The following GRM4 variants were observed in gnomAD, a reference collection of about 807,000 sequenced individuals.
GRM4 encodes metabotropic glutamate receptor 4.
Under a neutral mutation model 81.7 loss-of-function variants are expected in GRM4, and 28 were observed. That is an observed-to-expected ratio of 0.34 (90% CI 0.25 to 0.47). GRM4 has a LOEUF of 0.47. GRM4 is among the 20% of genes least tolerant of loss of function. The pLI, the probability that GRM4 is intolerant of heterozygous loss-of-function variation, is 1.00. For synonymous variants in GRM4, 488 were observed against 528.8 expected (o/e 0.92, Z 1.06); for missense variants, 948 against 1,290.0 (o/e 0.73, Z 4.06).
At chr6:34,023,658 G>A (rs1434874089) in intron 10 of GRM4, among the ~76,000 whole-genome samples, 1 of 152,130 alleles carries the variant, frequency 6.6e-6, no homozygotes, top group Non-Finnish European at 1.5e-5. Context: ...GGACTGGGGT[G>A]GTACATGGGG....
rs1373578058 is a variant in GRM4, at chr6:34,042,738, C to T, written c.1169-1990G>A. Among the ~76,000 whole-genome samples, 1 of 152,146 alleles carries T rather than the reference C, an allele frequency of 6.6e-6. No individual in the cohort carries two copies. The highest frequency in any genetic ancestry group is 1.5e-5 in the Non-Finnish European group (1 of 67,996). The stretch of plus-strand genomic sequence containing the variant: ...TGAGGCAGTGATTCCCCGGGGACTC[C>T]AGAGGTCACTGTGTCCAGCCCCCTG... On this transcript the variant is annotated intron_variant, in intron 6 of 10. Transcript: ENST00000538487. This position sits in a 1 kb window ranked among gnomAD's most constrained non-coding sequence, Gnocchi z 4.2.
Position 34,111,158 on chromosome 6 carries a change from A to T in GRM4, c.520-19059T>A, listed in dbSNP as rs1769367152. ...ACACACACACACACACACACACGCC[A>T]GGATCCAACCCTTCCAGGAGCTGGT... On this transcript the variant is annotated intron_variant, in intron 2 of 10. Coordinates refer to ENST00000538487, the MANE Select transcript of GRM4 (RefSeq NM_000841.4). This position sits in a 1 kb window ranked among gnomAD's most constrained non-coding sequence, Gnocchi z 5.1. 7.6e-6 allele frequency: 1 copy of T among 131,048 alleles called. No homozygotes were observed. Among genetic ancestry groups the T allele is most frequent in the Non-Finnish European group, 1.5e-5 (1 of 65,654 alleles). The allele number at this position is 131,048 out of a possible 1,614,324, so 8.1% of individuals were successfully genotyped here. A position where few individuals can be genotyped will look rare whatever the true frequency, so the allele number is the denominator to read the frequency against.
At chr6:34,124,727 T>A (rs1184148792) in intron 2 of GRM4, among the ~76,000 whole-genome samples, 2 of 152,194 alleles carry the variant, frequency 1.3e-5, no homozygotes, top group Non-Finnish European at 2.9e-5. Flanking sequence ...GGCATGGAGA[T>A]GGCCAGTAGG....
rs1765395144 is a variant in GRM4, at chr6:34,047,058, T to C, written c.1169-6310A>G. Among the ~76,000 whole-genome samples the C allele has an allele frequency of 6.6e-6, 1 of 151,992 alleles. No individual in the cohort carries two copies. Among genetic ancestry groups the C allele is most frequent in the Non-Finnish European group, 1.5e-5 (1 of 67,978 alleles). The stretch of plus-strand genomic sequence containing the variant: ...ACACTCTAGGCCAAGTATGGGAGTG[T>C]TCTAGTGCCTCAGTCTCCCAAGTGT... On this transcript the variant is annotated intron_variant, in intron 6 of 10. Transcript: ENST00000538487. This position sits in a 1 kb window ranked among gnomAD's most constrained non-coding sequence, Gnocchi z 4.5.
chr6:34,119,820 C>T (rs1027022962), intron 2 of GRM4, among the ~76,000 whole-genome samples: 1 of 152,228 alleles, frequency 6.6e-6, no homozygotes, highest in Non-Finnish European at 1.5e-5. Context: ...CCAGCAGGTG[C>T]TGCAGCTTTG....
intron 1 of GRM4, among the ~76,000 whole-genome samples, chr6:34,142,320 C>A (rs556107472): frequency 6.6e-6 from 1 of 152,292 alleles, no homozygotes; most frequent in South Asian, 2.1e-4. Context: ...AGCCAACAGC[C>A]GGCAGGCCCA....
intron 3 of GRM4, among the ~76,000 whole-genome samples, chr6:34,063,969 G>A (rs2127463559): frequency 6.6e-6 from 1 of 152,326 alleles, no homozygotes; most frequent in East Asian, 1.9e-4. Flanking sequence ...GGGAGAAACT[G>A]TTAGGTTAAG....
In GRM4 at chr6:34,133,492, G is replaced by C. The variant is rs867089695; in HGVS notation, c.5C>G (p.Pro2Arg). 4.5e-6 allele frequency: 7 copies of C among 1,559,384 alleles called. No individual in the cohort carries two copies. In the African/African-American group the frequency reaches 9.5e-5, roughly 21 times the overall value. Residue 2 changes from proline (P) to arginine (R), a missense_variant, in exon 2 of 11, where the codon CCT (proline) becomes CGT (arginine). By Grantham distance (103) the Pro-to-Arg change is moderately radical. Coordinates refer to ENST00000538487, the MANE Select transcript of GRM4 (RefSeq NM_000841.4). This position sits in a 1 kb window ranked among gnomAD's most constrained non-coding sequence, Gnocchi z 6.5. M[P>R]GKRGLGWWWA... The stretch of plus-strand genomic sequence containing the variant: ...CCACCAGCCCAAGCCTCTCTTCCCA[G>C]GCATCTCGGAAATCCCTAGAGACCC...
At chr6:34,147,559 C>T (rs1035567512), upstream of GRM4, among the ~76,000 whole-genome samples, 2 of 152,172 alleles carry the variant, frequency 1.3e-5, no homozygotes, top group African/African-American at 4.8e-5. Context: ...ACAAGGATTA[C>T]GACACTAATC....
chr6:34,029,074 A>T (rs1479764676), intron 9 of GRM4, among the ~76,000 whole-genome samples: 2 of 152,222 alleles, frequency 1.3e-5, no homozygotes, highest in Non-Finnish European at 2.9e-5. Context: ...CCTTCCAGGC[A>T]GGGTCCGGCA....
intron 6 of GRM4, chr6:34,054,201 C>T (rs1189305794): frequency 2.7e-5 from 4 of 149,716 alleles, no homozygotes; most frequent in African/African-American, 9.8e-5. Flanking sequence ...CACTCTGTTG[C>T]CCAGGCTGGA....
rs1769379483 is a variant in GRM4, at chr6:34,111,423, CAT to C, written c.520-19326_520-19325del. ...ACACACACACACACAAACACACACACATAGAGTCAGCACTGGTGGAGGCAGCA... is the reference window on the plus strand; with the variant it reads ...ACACACACACACACAAACACACACACAGAGTCAGCACTGGTGGAGGCAGCA... On this transcript the variant is annotated intron_variant, in intron 2 of 10. Coordinates refer to ENST00000538487, the MANE Select transcript of GRM4 (RefSeq NM_000841.4). The surrounding 1 kb of genome is among the most constrained non-coding windows in gnomAD (Gnocchi z 5.1). Among the ~76,000 whole-genome samples, 1 of 152,164 alleles carries C rather than the reference CAT, an allele frequency of 6.6e-6. No individual in the cohort carries two copies. Among genetic ancestry groups the C allele is most frequent in the Admixed American group, 6.5e-5 (1 of 15,274 alleles).
At position 34,040,641 on chromosome 6, in the gene GRM4, C is replaced by G; in HGVS notation, c.1276G>C (p.Asp426His). Residue 426 changes from aspartate (D) to histidine (H), a missense_variant, in exon 7 of 11, where the codon GAC (aspartate) becomes CAC (histidine). Asp to His is a moderately conservative substitution (Grantham distance 81, BLOSUM62 -1). Coordinates refer to ENST00000538487, the MANE Select transcript of GRM4 (RefSeq NM_000841.4). ...AGCCCCACGCGGCCGGGACACAGGT[C>G]ACGGTGCATGGCGTGCAGCGCGTGG... ...MGHALHAMHR[D>H]LCPGRVGLCP... 6.2e-7 allele frequency: 1 copy of G among 1,614,156 alleles called. No homozygotes were observed. Among genetic ancestry groups the G allele is most frequent in the African/African-American group, 1.3e-5 (1 of 75,060 alleles).
intron 1 of GRM4, among the ~76,000 whole-genome samples, chr6:34,135,171 A>T (rs1329167771): frequency 1.3e-5 from 2 of 152,126 alleles, no homozygotes; most frequent in Non-Finnish European, 2.9e-5. Flanking sequence ...ATCAAGACCA[A>T]GCCGTGGTCT....
rs767189525 is a variant in GRM4, at chr6:34,056,666, G to A, written c.1046C>T (p.Ser349Phe). The A allele has an allele frequency of 2.8e-5, 45 of 1,613,440 alleles. No homozygotes were observed. The highest frequency in any genetic ancestry group is 6.7e-5 in the African/African-American group (5 of 74,906). ...CCGGTTGTTGTCCAGCGTGCGGCTGGAGAAGTAGCGGTCGAAGCCTGGCAG... is the reference window on the plus strand; with the variant it reads ...CCGGTTGTTGTCCAGCGTGCGGCTGAAGAAGTAGCGGTCGAAGCCTGGCAG... ...MSVRGFDRYF[S>F]SRTLDNNRRN... Residue 349 changes from serine (S) to phenylalanine (F), a missense_variant, in exon 6 of 11, where the codon TCC (serine) becomes TTC (phenylalanine). By Grantham distance (155) the Ser-to-Phe change is radical. Transcript: ENST00000538487.
At chr6:34,101,135 C>A (rs1581697137) in intron 2 of GRM4, among the ~76,000 whole-genome samples, 1 of 152,168 alleles carries the variant, frequency 6.6e-6, no homozygotes, top group African/African-American at 2.4e-5. Flanking sequence ...TCATCACAGG[C>A]TGGTTTGGGC....
upstream of GRM4, among the ~76,000 whole-genome samples, chr6:34,146,744 G>A (rs189402721): frequency 3.3e-4 from 50 of 152,350 alleles, no homozygotes; most frequent in African/African-American, 1.2e-3. Flanking sequence ...ACCCCCGGCT[G>A]ACCTGCCAAG....
At chr6:34,044,001 A>AC (rs1392122461) in intron 6 of GRM4, among the ~76,000 whole-genome samples, 38 of 152,106 alleles carry the variant, frequency 2.5e-4, no homozygotes, top group East Asian at 7.7e-4. Flanking sequence ...CAGTGAAGTG[A>AC]CCAGACCAGG....
At chr6:34,155,452 G>T in exon 1 of GRM4, 1 of 1,110,810 alleles carries the variant, frequency 9.0e-7, no homozygotes, top group South Asian at 1.6e-5. Flanking sequence ...TCGCAACCTC[G>T]ACGCACATTG....
Sources: gnomAD v4.1 joint callset for allele counts (sites outside exome capture counted in the v4.1 genomes callset) on GRCh38, gnomAD v4.1.1 for gene constraint, Gnocchi (gnomAD v3.1) non-coding constraint, MANE v1.5 for transcripts, NCBI Gene and HGNC (gene_info 2026-07-23, HGNC 2026-07-21) for gene names.